The following ADK variants were observed in gnomAD, a reference collection of about 807,000 sequenced individuals.
ADK encodes the protein adenosine kinase, also known as N6,N6-dimethyladenosine kinase.
ADK carries 24 observed loss-of-function variants against 44.7 expected under a neutral mutation model. The observed-to-expected ratio is 0.54, with a 90% CI of 0.39 to 0.76. The LOEUF is 0.76. ADK is among the 30% of genes least tolerant of loss of function. The probability of loss-of-function intolerance (pLI) is 0.00; values close to 1 mark genes in which losing one functional copy is unlikely to be tolerated. For missense variants in ADK, 321 were observed against 425.1 expected (o/e 0.76, Z 2.15); for synonymous variants, 128 against 142.6 (o/e 0.90, Z 0.73).
At chr10:74,333,619 G>A (rs1211804675) in intron 4 of ADK, among the ~76,000 whole-genome samples, 3 of 151,986 alleles carry the variant, frequency 2.0e-5, no homozygotes, top group Admixed American at 1.3e-4. Context: ...TTTTATTTTT[G>A]ATATCTTGAT....
chr10:74,380,879 A>G (rs1842959498), intron 4 of ADK, among the ~76,000 whole-genome samples: 1 of 152,208 alleles, frequency 6.6e-6, no homozygotes, highest in Non-Finnish European at 1.5e-5. Flanking sequence ...GAAATATGAA[A>G]CAATAGCTTT....
chr10:74,274,876 G>C (rs1357562420), intron 3 of ADK, among the ~76,000 whole-genome samples: 1 of 151,568 alleles, frequency 6.6e-6, no homozygotes, highest in African/African-American at 2.4e-5. Flanking sequence ...ACCAGCATGA[G>C]ACACCGTACC....
intron 6 of ADK, among the ~76,000 whole-genome samples, chr10:74,498,809 A>G (rs1029553985): frequency 1.3e-5 from 2 of 152,164 alleles, no homozygotes; most frequent in African/African-American, 2.4e-5. Context: ...AACCAACCCA[A>G]ATGTCCAACA....
rs184985228 is a variant in ADK, at chr10:74,300,283, C to T, written c.195-14384C>T. On this transcript the variant is annotated intron_variant, in intron 3 of 10. Coordinates refer to ENST00000539909, the MANE Select transcript of ADK (RefSeq NM_006721.4). ...GTTTCCTTCCTTCCTTCCTTCCTTC[C>T]TTCCTTCCTTCCTTCCTTCCTTCCT... Among the ~76,000 whole-genome samples, 290 of 81,490 alleles carry T rather than the reference C, an allele frequency of 3.6e-3. 3 individuals are homozygous for T. The highest frequency in any genetic ancestry group is 0.014 in the African/African-American group (274 of 20,104). The allele number at this position is 81,490 out of a possible 152,430, so 53.5% of individuals were successfully genotyped here.
chr10:74,356,310 G>A lies in ADK; in HGVS notation c.274-37831G>A, dbSNP rs187194962. Among the ~76,000 whole-genome samples, 6 of 152,080 alleles carry A rather than the reference G, an allele frequency of 3.9e-5. No individual in the cohort carries two copies. The East Asian group carries it at 5.8e-4, about 15-fold the overall frequency. On this transcript the variant is annotated intron_variant, in intron 4 of 10. Transcript: ENST00000539909. Reference sequence around the variant, plus strand: ...TGGGATTACAGGCGTGAGCCACCGCGCCCGGCCAATAATTCATATTGTTAA... The same window carrying A: ...TGGGATTACAGGCGTGAGCCACCGCACCCGGCCAATAATTCATATTGTTAA...
chr10:74,335,260 T>C (rs1012574893), intron 4 of ADK, among the ~76,000 whole-genome samples: 4 of 152,168 alleles, frequency 2.6e-5, no homozygotes, highest in African/African-American at 9.6e-5. Flanking sequence ...TTTATTTTAT[T>C]TATTTATTTT....
chr10:74,677,562 T>C (rs1380237642), intron 10 of ADK, among the ~76,000 whole-genome samples: 1 of 152,204 alleles, frequency 6.6e-6, no homozygotes, highest in Non-Finnish European at 1.5e-5. Flanking sequence ...TTGCTCTCCA[T>C]CTCAGAAGAC....
intron 6 of ADK, among the ~76,000 whole-genome samples, chr10:74,472,801 A>C (rs1207335381): frequency 1.3e-5 from 2 of 152,210 alleles, no homozygotes; most frequent in African/African-American, 4.8e-5. Context: ...TCATATAAAG[A>C]ACTGATATGA....
At position 74,287,372 on chromosome 10, in the gene ADK, G is replaced by A. The variant is rs111873590; in HGVS notation, c.195-27295G>A. Among the ~76,000 whole-genome samples, 762 of 152,034 alleles carry A rather than the reference G, an allele frequency of 5.0e-3. 11 individuals are homozygous for A. The highest frequency in any genetic ancestry group is 0.017 in the African/African-American group (710 of 41,456). ...CCAGCTACTCAGGAGGCTGAGGCACGAGAATCACTTGAACCCAGGAGGCGG... is the reference window on the plus strand; with the variant it reads ...CCAGCTACTCAGGAGGCTGAGGCACAAGAATCACTTGAACCCAGGAGGCGG... On this transcript the variant is annotated intron_variant, in intron 3 of 10. Transcript: ENST00000539909.
intron 1 of ADK, among the ~76,000 whole-genome samples, chr10:74,181,297 C>CT (rs368441354): frequency 2.7e-5 from 4 of 150,294 alleles, no homozygotes; most frequent in Non-Finnish European, 4.4e-5. Flanking sequence ...GAAAACTTTT[C>CT]TTTTTTTTTA....
chr10:74,223,002 A>G (rs983266012), intron 2 of ADK, among the ~76,000 whole-genome samples: 3 of 152,222 alleles, frequency 2.0e-5, no homozygotes, highest in Admixed American at 2.0e-4. Context: ...CCTAAAACTT[A>G]AAGTATAATA....
chr10:74,676,397 T>C (rs1239051627), intron 10 of ADK, among the ~76,000 whole-genome samples: 1 of 152,224 alleles, frequency 6.6e-6, no homozygotes, highest in African/African-American at 2.4e-5. Context: ...CCCAAAGTGC[T>C]GGATTTACAG....
intron 6 of ADK, among the ~76,000 whole-genome samples, chr10:74,490,898 C>T (rs1475360492): frequency 6.6e-6 from 1 of 151,954 alleles, no homozygotes; most frequent in East Asian, 1.9e-4. Flanking sequence ...TGTTTAGGTA[C>T]CACGTGTTAG....
chr10:74,516,287 G>T lies in ADK; in HGVS notation c.556-8969G>T, dbSNP rs546460632. Among the ~76,000 whole-genome samples the T allele has an allele frequency of 1.1e-4, 16 of 152,168 alleles. No individual in the cohort carries two copies. In the East Asian group the frequency reaches 2.5e-3, roughly 24 times the overall value. On this transcript the variant is annotated intron_variant, in intron 6 of 10. Coordinates refer to ENST00000539909, the MANE Select transcript of ADK (RefSeq NM_006721.4). The stretch of plus-strand genomic sequence containing the variant: ...CTCCAGGCAGATCTGATCTAGGTGG[G>T]GAAGATGGGACCACGAGTTTGAGTG...
intron 9 of ADK, among the ~76,000 whole-genome samples, chr10:74,605,053 T>A (rs1478565158): frequency 6.6e-6 from 1 of 152,212 alleles, no homozygotes; most frequent in East Asian, 1.9e-4. Context: ...TTGTCTATTA[T>A]TGGTGTATAG....
intron 9 of ADK, among the ~76,000 whole-genome samples, chr10:74,614,640 A>G (rs948558393): frequency 6.6e-6 from 1 of 152,092 alleles, no homozygotes; most frequent in East Asian, 1.9e-4. Context: ...ACCACTCAGT[A>G]TGTAGACTTT....
At position 74,670,236 on chromosome 10, in the gene ADK, G is replaced by C; in HGVS notation, c.931G>C (p.Asp311His). The change falls in exon 10 of 11, where the codon GAT becomes CAT. Residue 311 changes from aspartate to histidine, a missense_variant. Physicochemically the swap from Asp to His is moderately conservative, Grantham distance 81. Coordinates refer to ENST00000539909, the MANE Select transcript of ADK (RefSeq NM_006721.4). The stretch of plus-strand genomic sequence containing the variant: ...GGATCAAGACCAGAAAGAAATTATT[G>C]ATACCAATGGAGCTGGAGATGCATT... The part of the protein sequence containing the change: ...VLDQDQKEII[D>H]TNGAGDAFVG... 3 of 1,613,896 alleles carry C rather than the reference G, an allele frequency of 1.9e-6. No homozygotes were observed. Among genetic ancestry groups the C allele is most frequent in the Non-Finnish European group, 2.5e-6 (3 of 1,179,862 alleles).
chr10:74,435,920 T>C (rs767602106), intron 6 of ADK, among the ~76,000 whole-genome samples: 1 of 152,216 alleles, frequency 6.6e-6, no homozygotes, highest in Non-Finnish European at 1.5e-5. Flanking sequence ...GAAAATTCTT[T>C]AAGCTGAAAT....
At chr10:74,565,435 A>C (rs988889324) in intron 7 of ADK, among the ~76,000 whole-genome samples, 3 of 152,222 alleles carry the variant, frequency 2.0e-5, no homozygotes, top group Non-Finnish European at 4.4e-5. Context: ...TAATAAAAAA[A>C]CCATAAACCT....
Sources: gnomAD v4.1 joint callset for allele counts (sites outside exome capture counted in the v4.1 genomes callset) on GRCh38, gnomAD v4.1.1 for gene constraint, MANE v1.5 for transcripts, NCBI Gene and HGNC (gene_info 2026-07-23, HGNC 2026-07-21) for gene names.